Variants in KAT8 observed in about 807,000 individuals in gnomAD.
KAT8 encodes the protein histone acetyltransferase KAT8.
In KAT8, 40 loss-of-function variants were observed where a neutral mutation model predicts 62.9. The ratio of observed to expected loss-of-function variants is 0.64; its 90% CI spans 0.49 to 0.83. The LOEUF is 0.83. Among genes scored for constraint, KAT8 ranks in the 40% least tolerant of loss-of-function variants. The pLI is 0.00. For synonymous variants in KAT8, 278 were observed against 254.5 expected (o/e 1.09, Z -0.88); for missense variants, 387 against 614.8 (o/e 0.63, Z 3.92).
intron 1 of KAT8, 49 bp downstream of exon 1, chr16:31,117,941 G>T (rs966958862): frequency 2.4e-6 from 3 of 1,250,042 alleles, no homozygotes; most frequent in African/African-American, 1.6e-5. Flanking sequence ...CAGGGCCAGG[G>T]GGTGGGGCGG....
At chr16:31,117,933 G>T in intron 1 of KAT8, 41 bp downstream of exon 1, 1 of 1,282,456 alleles carries the variant, frequency 7.8e-7, no homozygotes, top group Non-Finnish European at 1.0e-6. Flanking sequence ...GCGGAGCTCA[G>T]GGCCAGGGGG....
intron 1 of KAT8, among the ~76,000 whole-genome samples, chr16:31,119,190 G>T (rs2057474248): frequency 6.6e-6 from 1 of 152,052 alleles, no homozygotes; most frequent in Non-Finnish European, 1.5e-5. Context: ...GCTCTCTGTT[G>T]CCAGGCTGGA....
chr16:31,126,712 T>A, intron 3 of KAT8: 1 of 333,800 alleles, frequency 3.0e-6, no homozygotes, highest in Non-Finnish European at 5.6e-6. Context: ...TTCATTTGAG[T>A]CTCACAACTT....
intron 3 of KAT8, chr16:31,125,860 G>A (rs922966803): frequency 1.3e-5 from 2 of 152,260 alleles, no homozygotes; most frequent in Admixed American, 6.6e-5. Flanking sequence ...AGCAGGATGT[G>A]TTGTGAGTGT....
intron 6 of KAT8, 94 bp from the exon 7 acceptor site, chr16:31,129,923 G>A (rs2143993349): frequency 2.1e-6 from 3 of 1,398,820 alleles, no homozygotes; most frequent in Non-Finnish European, 9.9e-7. Flanking sequence ...CTGGCGAGGC[G>A]CCCACTTCGC....
intron 9 of KAT8, 57 bp from the exon 10 acceptor site, chr16:31,130,689 C>T (rs994588216): frequency 6.2e-7 from 1 of 1,611,432 alleles, no homozygotes; most frequent in Non-Finnish European, 8.5e-7. Context: ...TGTCACCATC[C>T]TGGCCAGATC....
In KAT8 at chr16:31,130,845, C is replaced by G. The variant is rs2040412349; in HGVS notation, c.1257C>G (p.Pro419=). The G allele has an allele frequency of 6.2e-7, 1 of 1,613,350 alleles. No homozygotes were observed. The highest frequency in any genetic ancestry group is 8.5e-7 in the Non-Finnish European group (1 of 1,179,952). The change falls in exon 10 of 11, where the codon CCC becomes CCG. Residue 419 remains proline, a synonymous_variant. Transcript: ENST00000219797. ...GCCAGCACGTGATCTGTGTCACACC[C>G]AAGCTGGTGGAGGAGCACCTCAAAA... ...WKGQHVICVT[P]KLVEEHLKSA... is the part of the protein sequence containing the mutation.
Position 31,127,361 on chromosome 16 carries a change from T to TGGGCCGGCC in KAT8, c.681+15_681+23dup. The TGGGCCGGCC allele has an allele frequency of 6.2e-7, 1 of 1,613,734 alleles. No individual in the cohort carries two copies. The highest frequency in any genetic ancestry group is 1.1e-5 in the South Asian group (1 of 91,072). On this transcript the variant is annotated intron_variant, in intron 5 of 10. Transcript: ENST00000219797. ...AGCTACCGCTTCCACTTGGTGAGGC[T>TGGGCCGGCC]GGGCCGGCCGGGCCGAGCTGGGCAG...
At chr16:31,118,170 G>A (rs2057464745) in intron 1 of KAT8, 2 of 362,820 alleles carry the variant, frequency 5.5e-6, no homozygotes, top group Admixed American at 9.3e-5. Flanking sequence ...CCCAGTCTTA[G>A]GCTTCATTCC....
chr16:31,123,426 C>T (rs1313176048), intron 3 of KAT8, among the ~76,000 whole-genome samples: 1 of 151,932 alleles, frequency 6.6e-6, no homozygotes, highest in East Asian at 1.9e-4. Context: ...TATGTTTGGC[C>T]TCAAACTCCT....
chr16:31,125,068 T>G (rs1354700755), intron 3 of KAT8, among the ~76,000 whole-genome samples: 1 of 151,862 alleles, frequency 6.6e-6, no homozygotes, highest in African/African-American at 2.4e-5. Context: ...AGCAGGCACA[T>G]GTAGTCTCAG....
chr16:31,124,796 G>A (rs1181084884), intron 3 of KAT8, among the ~76,000 whole-genome samples: 1 of 150,654 alleles, frequency 6.6e-6, no homozygotes, highest in African/African-American at 2.4e-5. Flanking sequence ...AGAGGCCAAG[G>A]TGGGTGGATC....
At chr16:31,126,977 AGGGACAGCCT>A in intron 3 of KAT8, 48 bp from the exon 4 acceptor site, 1 of 1,591,258 alleles carries the variant, frequency 6.3e-7, no homozygotes, top group Non-Finnish European at 8.6e-7. Flanking sequence ...TCCTGACGGG[AGGGACAGCCT>A]GGTCACCACT....
At chr16:31,123,890 G>C (rs2057516138) in intron 3 of KAT8, 2 of 106,088 alleles carry the variant, frequency 1.9e-5, no homozygotes, top group Non-Finnish European at 4.3e-5. Context: ...TTCCTCAACT[G>C]TTTTGCACTC....
intron 6 of KAT8, among the ~76,000 whole-genome samples, chr16:31,129,791 A>G (rs916010024): frequency 6.6e-6 from 1 of 152,222 alleles, no homozygotes; most frequent in African/African-American, 2.4e-5. Flanking sequence ...GGCACTCAGA[A>G]GGGGTGGCCG....
rs910095042 is a variant in KAT8, at chr16:31,117,901, G to GGGGCCCAGGGCT, written c.211+13_211+24dup. ...ACCGGATAGCACCTGGCGTGAGGGC[G>GGGGCCCAGGGCT]GGGCCCAGGGCTGGGGGCGGGGCGG... On this transcript the variant is annotated intron_variant, in intron 1 of 10. Transcript: ENST00000219797. 5 of 1,345,828 alleles carry GGGGCCCAGGGCT rather than the reference G, an allele frequency of 3.7e-6. No individual in the cohort carries two copies. The highest frequency in any genetic ancestry group is 3.8e-5 in the Admixed American group (1 of 26,242). The allele number at this position is 1,345,828 out of a possible 1,614,324, so 83.4% of individuals were successfully genotyped here. A position where few individuals can be genotyped will look rare whatever the true frequency, so the allele number is the denominator to read the frequency against.
At chr16:31,118,676 C>T (rs2057469741) in intron 1 of KAT8, 1 of 152,072 alleles carries the variant, frequency 6.6e-6, no homozygotes, top group African/African-American at 2.4e-5. Context: ...TGTCTTCCTC[C>T]ATCATACTGG....
At chr16:31,129,922 C>T (rs996495388) in intron 6 of KAT8, 95 bp from the exon 7 acceptor site, 19 of 1,368,878 alleles carry the variant, frequency 1.4e-5, no homozygotes, top group Admixed American at 4.2e-5. Flanking sequence ...CCTGGCGAGG[C>T]GCCCACTTCG....
intron 3 of KAT8, among the ~76,000 whole-genome samples, chr16:31,124,731 CAAAA>C (rs551229166): frequency 1.1e-4 from 7 of 61,072 alleles, no homozygotes; most frequent in African/African-American, 4.1e-4. Context: ...GGCTCCATTT[CAAAA>C]AAAAAAAAAA....
Sources: gnomAD v4.1 joint callset for allele counts (sites outside exome capture counted in the v4.1 genomes callset) on GRCh38, gnomAD v4.1.1 for gene constraint, MANE v1.5 for transcripts, NCBI Gene and HGNC (gene_info 2026-07-23, HGNC 2026-07-21) for gene names.